The following KLRK1 variants were observed in gnomAD, a reference collection of about 807,000 sequenced individuals.
KLRK1 encodes the protein killer cell lectin like receptor K1, also known as NKG2-D type II integral membrane protein.
A neutral mutation model predicts 31.3 loss-of-function variants in KLRK1; 40 were observed. That is an observed-to-expected ratio of 1.28 (90% CI 0.99 to 1.67). The LOEUF (loss-of-function observed/expected upper bound fraction) is 1.67. Ranked by LOEUF, KLRK1 falls within the 40% of genes most tolerant of loss-of-function variation. The probability of loss-of-function intolerance (pLI) is 0.00; values close to 1 mark genes in which losing one functional copy is unlikely to be tolerated. For missense variants in KLRK1, 251 were observed against 260.0 expected, an observed-to-expected ratio of 0.97 and a Z score of 0.24; for synonymous variants, 77 against 77.3, an observed-to-expected ratio of 1.00 and a Z score of 0.02.
intron 3 of KLRK1, chr12:10,382,140 G>T (rs1863086840): frequency 6.6e-6 from 1 of 152,240 alleles, no homozygotes; most frequent in Non-Finnish European, 1.5e-5. Context: ...TAGCAACCAT[G>T]GCCCTTGGGC....
In KLRK1 at chr12:10,378,645, A is replaced by T; in HGVS notation, c.338T>A (p.Phe113Tyr). 3 of 1,610,228 alleles carry T rather than the reference A, an allele frequency of 1.9e-6. No homozygotes were observed. The highest frequency in any genetic ancestry group is 2.7e-5 in the African/African-American group (2 of 74,678). The change falls in exon 6 of 8, where the codon TTT (phenylalanine) becomes TAT (tyrosine). Residue 113 changes from phenylalanine to tyrosine, a missense_variant. Physicochemically the swap from Phe to Tyr is conservative, Grantham distance 22. Transcript: ENST00000240618. ...WICYKNNCYQ[F>Y]FDESKNWYES... Reference sequence around the variant, plus strand: ...ATACCAGTTTTTACTCTCATCAAAAAATTGGTAGCAGTTATTTTTGTAACA... The same window carrying T: ...ATACCAGTTTTTACTCTCATCAAAATATTGGTAGCAGTTATTTTTGTAACA...
intron 3 of KLRK1, among the ~76,000 whole-genome samples, chr12:10,384,491 T>TA (rs1863132030): frequency 6.6e-6 from 1 of 151,696 alleles, no homozygotes; most frequent in Non-Finnish European, 1.5e-5. Context: ...ACCAATAACA[T>TA]ACACTGGGAA....
At chr12:10,384,285 A>C (rs1026446241) in intron 3 of KLRK1, among the ~76,000 whole-genome samples, 21 of 152,070 alleles carry the variant, frequency 1.4e-4, no homozygotes, top group Admixed American at 1.3e-4. Context: ...AAAAGACTGA[A>C]TAGCCAAAGC....
chr12:10,381,754 C>T (rs1037077271), intron 3 of KLRK1: 2 of 152,152 alleles, frequency 1.3e-5, no homozygotes, highest in African/African-American at 4.8e-5. Context: ...TCACAGTACC[C>T]TGATTTTAGC....
chr12:10,375,167 A>C (rs966626099), intron 7 of KLRK1, among the ~76,000 whole-genome samples: 1 of 152,240 alleles, frequency 6.6e-6, no homozygotes, highest in Non-Finnish European at 1.5e-5. Context: ...TACAATAAAC[A>C]CAAGGGGAAA....
intron 3 of KLRK1, 72 bp from the exon 4 acceptor site, chr12:10,379,864 ATATT>A (rs1863038077): frequency 1.5e-6 from 2 of 1,354,260 alleles, no homozygotes; most frequent in Non-Finnish European, 2.0e-6. Context: ...TTTAATATAA[ATATT>A]AGAGTTTTTT....
chr12:10,380,255 T>G (rs572828004), intron 3 of KLRK1, among the ~76,000 whole-genome samples: 2 of 151,966 alleles, frequency 1.3e-5, no homozygotes, highest in East Asian at 1.9e-4. Flanking sequence ...TTAGTAGAGA[T>G]AGGGTTTCAC....
At chr12:10,380,860 G>C (rs1863061530) in intron 3 of KLRK1, among the ~76,000 whole-genome samples, 1 of 152,130 alleles carries the variant, frequency 6.6e-6, no homozygotes, top group Non-Finnish European at 1.5e-5. Flanking sequence ...GCACCATTTT[G>C]AGAGTGTAGC....
chr12:10,375,196 G>A (rs1280339060), intron 7 of KLRK1, among the ~76,000 whole-genome samples: 1 of 152,162 alleles, frequency 6.6e-6, no homozygotes, highest in Non-Finnish European at 1.5e-5. Context: ...TAACACATGA[G>A]AGTAAAAGGT....
intron 3 of KLRK1, among the ~76,000 whole-genome samples, chr12:10,380,056 ATTGTT>A: frequency 1.0e-5 from 1 of 98,496 alleles, no homozygotes; most frequent in Non-Finnish European, 2.1e-5. Context: ...TTTTGTTGTT[ATTGTT>A]TTTTTTTTTT....
chr12:10,387,631 C>T (rs998980096), intron 2 of KLRK1, among the ~76,000 whole-genome samples: 5 of 151,310 alleles, frequency 3.3e-5, no homozygotes, highest in East Asian at 3.9e-4. Context: ...CTGCAACCGC[C>T]GCCTCCTGGG....
chr12:10,388,864 C>A lies in KLRK1; in HGVS notation c.-54G>T. The A allele has an allele frequency of 6.3e-7, 1 of 1,599,732 alleles. No homozygotes were observed. On this transcript the variant is annotated 5_prime_UTR_variant, in exon 2 of 8. Coordinates refer to ENST00000240618, the MANE Select transcript of KLRK1 (RefSeq NM_007360.4). ...AGAGAGGAATCTAAAGTCTTCAATG[C>A]ACAAAGGATTCCTGAATAAAATAAA...
intron 7 of KLRK1, among the ~76,000 whole-genome samples, chr12:10,376,292 G>C (rs898067871): frequency 1.3e-4 from 12 of 93,908 alleles, no homozygotes; most frequent in East Asian, 1.2e-3. Context: ...CTATAGTCTA[G>C]TCCATAACAC....
Position 10,375,947 on chromosome 12 carries a change from G to C in KLRK1, c.533+2185C>G, listed in dbSNP as rs548756907. Among the ~76,000 whole-genome samples the C allele has an allele frequency of 1.6e-4, 24 of 152,322 alleles. 2 individuals are homozygous for C. Among genetic ancestry groups the C allele is most frequent in the African/African-American group, 5.5e-4 (23 of 41,578 alleles). ...CAGACATGGGACACTTCAGAATCCA[G>C]AAAGACCAAGCTGTAGTTCACCGGA... On this transcript the variant is annotated intron_variant, in intron 7 of 7. Coordinates refer to ENST00000240618, the MANE Select transcript of KLRK1 (RefSeq NM_007360.4).
intron 5 of KLRK1, 65 bp from the exon 6 acceptor site, chr12:10,378,770 C>A: frequency 6.7e-7 from 1 of 1,500,538 alleles, no homozygotes; most frequent in Non-Finnish European, 8.9e-7. Context: ...TTTGTCTAGA[C>A]AAATTAAATG....
chr12:10,384,648 A>G (rs1863133978), intron 3 of KLRK1, among the ~76,000 whole-genome samples: 1 of 152,070 alleles, frequency 6.6e-6, no homozygotes, highest in Non-Finnish European at 1.5e-5. Context: ...TAACACTACT[A>G]GAAGAGATAA....
intron 1 of KLRK1, 121 bp from the exon 2 acceptor site, chr12:10,388,996 T>C (rs901505271): frequency 1.8e-5 from 10 of 570,562 alleles, no homozygotes; most frequent in Admixed American, 3.2e-5. Flanking sequence ...AAGAAAAGAA[T>C]AGAAATGACA....
At chr12:10,377,537 A>G (rs941311104) in intron 7 of KLRK1, among the ~76,000 whole-genome samples, 1 of 151,422 alleles carries the variant, frequency 6.6e-6, no homozygotes, top group African/African-American at 2.4e-5. Flanking sequence ...AATGATATAT[A>G]TTGTAGGACT....
chr12:10,386,876 A>T (rs754479520), intron 3 of KLRK1, 27 bp downstream of exon 3: 1 of 1,571,128 alleles, frequency 6.4e-7, no homozygotes, highest in Non-Finnish European at 8.7e-7. Context: ...ATATACTGAG[A>T]GTAGACAAAT....
Sources: gnomAD v4.1 joint callset for allele counts (sites outside exome capture counted in the v4.1 genomes callset) on GRCh38, gnomAD v4.1.1 for gene constraint, MANE v1.5 for transcripts, NCBI Gene and HGNC (gene_info 2026-07-23, HGNC 2026-07-21) for gene names.